Variants in ESCO2 observed in about 807,000 individuals in gnomAD.
ESCO2 encodes N-acetyltransferase ESCO2.
In ESCO2, 51 loss-of-function variants were observed where a neutral mutation model predicts 61.7. That is an observed-to-expected ratio of 0.83 (90% CI 0.66 to 1.04). The LOEUF is 1.04. Ranked by LOEUF, ESCO2 falls within the 50% of genes least tolerant of loss-of-function variation. The pLI, the probability that ESCO2 is intolerant of heterozygous loss-of-function variation, is 0.00. For missense variants in ESCO2, 692 were observed against 686.2 expected (o/e 1.01, Z -0.09); for synonymous variants, 230 against 238.2 (o/e 0.97, Z 0.32).
In ESCO2 at chr8:27,776,835, T is replaced by G. The variant is rs776366766; in HGVS notation, c.527T>G (p.Val176Gly). ...AATCGAGTGATCTATAAGCCAATTG[T>G]GGAGAAGGAAAATAATTGTCATTCA... ...KQNRVIYKPI[V>G]EKENNCHSAE... The change falls in exon 3 of 11, where the codon GTG becomes GGG. Residue 176 changes from valine (V) to glycine (G), a missense_variant. Transcript: ENST00000305188. 1.9e-6 allele frequency: 3 copies of G among 1,614,078 alleles called. No homozygotes were observed. In the South Asian group the frequency reaches 3.3e-5, roughly 18 times the overall value.
intron 9 of ESCO2, among the ~76,000 whole-genome samples, chr8:27,793,593 T>A (rs1432388285): frequency 6.6e-6 from 1 of 151,734 alleles, no homozygotes; most frequent in Non-Finnish European, 1.5e-5. Context: ...TTCAGGCAAT[T>A]CTCCTGCCTC....
At chr8:27,773,181 C>T (rs1176796458), upstream of ESCO2, among the ~76,000 whole-genome samples, 1 of 152,176 alleles carries the variant, frequency 6.6e-6, no homozygotes, top group Non-Finnish European at 1.5e-5. Flanking sequence ...AAGACCCCAT[C>T]ATGTTCTACC....
intron 10 of ESCO2, 149 bp downstream of exon 10, chr8:27,799,865 A>AT (rs1355844589): frequency 2.4e-5 from 22 of 928,232 alleles, no homozygotes; most frequent in Non-Finnish European, 3.6e-5. Flanking sequence ...TGGTACTAGA[A>AT]AAACCATACT....
At position 27,803,306 on chromosome 8, in the gene ESCO2, GA is replaced by G. The variant is rs1805491407; in HGVS notation, c.1676del (p.Asn559IlefsTer14). On this transcript the variant is annotated frameshift_variant and splice_region_variant, in exon 11 of 11. Transcript: ENST00000305188. LOFTEE classifies it high-confidence loss of function. ...IARRLVDTLR[N>X]CFMFGCFLST... Reference sequence around the variant, plus strand: ...TAAATCATCTTTTCTTCTCTTTTAGGAATTGCTTCATGTTTGGCTGTTTTCT... The same window carrying G: ...TAAATCATCTTTTCTTCTCTTTTAGGATTGCTTCATGTTTGGCTGTTTTCT... 6.2e-7 allele frequency: 1 copy of G among 1,613,432 alleles called. No homozygotes were observed.
chr8:27,772,266 A>C (rs1490740121), upstream of ESCO2, among the ~76,000 whole-genome samples: 1 of 152,102 alleles, frequency 6.6e-6, no homozygotes, highest in East Asian at 1.9e-4. Context: ...GGGGACGAGA[A>C]CTCCCCGATA....
chr8:27,811,408 A>G, downstream of ESCO2: 1 of 539,718 alleles, frequency 1.9e-6, no homozygotes, highest in Non-Finnish European at 3.3e-6. Context: ...GAGATTACAG[A>G]CTCTGGAGCC....
Position 27,804,852 on chromosome 8 carries a change from GT to G in ESCO2, c.*1417del. 1.3e-6 allele frequency: 1 copy of G among 768,234 alleles called. No individual in the cohort carries two copies. The highest frequency in any genetic ancestry group is 1.6e-6 in the Non-Finnish European group (1 of 631,772). The allele number at this position is 768,234 out of a possible 1,614,324, so 47.6% of individuals were successfully genotyped here. A position where few individuals can be genotyped will look rare whatever the true frequency, so the allele number is the denominator to read the frequency against. On this transcript the variant is annotated 3_prime_UTR_variant, in exon 11 of 11. Transcript: ENST00000305188. The stretch of plus-strand genomic sequence containing the variant: ...ATTTAAAATTTTTAATTAACATTTT[GT>G]TTGCTTAATGCTTTTGTTATGAATC...
At chr8:27,797,428 C>T (rs930774255) in intron 9 of ESCO2, among the ~76,000 whole-genome samples, 7 of 152,006 alleles carry the variant, frequency 4.6e-5, no homozygotes, top group African/African-American at 7.2e-5. Flanking sequence ...TGCATGGAGT[C>T]GTTTTTCTGA....
chr8:27,788,417 G>A (rs79124402), intron 6 of ESCO2, among the ~76,000 whole-genome samples: 2,521 of 152,224 alleles, frequency 0.017, 38 homozygotes, highest in Non-Finnish European at 0.028. Flanking sequence ...TTAGAACCAT[G>A]AGTCTAGTAA....
chr8:27,783,877 C>G lies in ESCO2; in HGVS notation c.956-123C>G, dbSNP rs1469572546. 4 of 918,202 alleles carry G rather than the reference C, an allele frequency of 4.4e-6. No homozygotes were observed. The African/African-American group carries it at 6.6e-5, about 15-fold the overall frequency. The allele number at this position is 918,202 out of a possible 1,614,324, so 56.9% of individuals were successfully genotyped here. A position where few individuals can be genotyped will look rare whatever the true frequency, so the allele number is the denominator to read the frequency against. On this transcript the variant is annotated intron_variant, in intron 4 of 10. Coordinates refer to ENST00000305188, the MANE Select transcript of ESCO2 (RefSeq NM_001017420.3). ...GACTGTTTTTCCTCCATGGAATTAC[C>G]TTTGCCTCTTTGTTAAATCTTGATC...
In ESCO2 at chr8:27,804,878, C is replaced by A; in HGVS notation, c.*1440C>A. 1.8e-6 allele frequency: 1 copy of A among 545,772 alleles called. No homozygotes were observed. The highest frequency in any genetic ancestry group is 2.3e-6 in the Non-Finnish European group (1 of 428,450). 33.8% of individuals were successfully genotyped at this position (545,772 alleles called of 1,614,324 possible). ...TTTGCTTAATGCTTTTGTTATGAAT[C>A]AATTAAAATTCTTTATTTTATACAA... On this transcript the variant is annotated 3_prime_UTR_variant, in exon 11 of 11. Coordinates refer to ENST00000305188, the MANE Select transcript of ESCO2 (RefSeq NM_001017420.3).
intron 5 of ESCO2, among the ~76,000 whole-genome samples, chr8:27,786,282 G>A (rs1805040138): frequency 6.6e-6 from 1 of 152,196 alleles, no homozygotes; most frequent in Non-Finnish European, 1.5e-5. Flanking sequence ...AGTGAGCAAG[G>A]GCCCTGAGCT....
At chr8:27,772,573 G>A (rs893969164), upstream of ESCO2, 2 of 1,546,046 alleles carry the variant, frequency 1.3e-6, no homozygotes, top group Non-Finnish European at 8.7e-7. Context: ...CTCCACCGCG[G>A]AGCAGCAGCG....
At chr8:27,802,629 AAATATATATATATATATATATATATAT>A (rs1304049725) in intron 10 of ESCO2, among the ~76,000 whole-genome samples, 3 of 59,808 alleles carry the variant, frequency 5.0e-5, no homozygotes, top group African/African-American at 7.4e-5. Context: ...AAAAAAAAAA[AAATATATATATATATATATATATATAT>A]TATATATATA....
chr8:27,777,861 C>T (rs1323711005), intron 3 of ESCO2: 2 of 152,004 alleles, frequency 1.3e-5, no homozygotes, highest in Non-Finnish European at 2.9e-5. Context: ...TTATATGATA[C>T]CCAGTACACT....
downstream of ESCO2, among the ~76,000 whole-genome samples, chr8:27,808,945 T>G (rs1471230271): frequency 6.6e-6 from 1 of 152,174 alleles, no homozygotes; most frequent in Admixed American, 6.5e-5. Flanking sequence ...GCTGGTCTTG[T>G]CCTTGGTATT....
In ESCO2 at chr8:27,803,326, G is replaced by A; in HGVS notation, c.1694G>A (p.Cys565Tyr). The A allele has an allele frequency of 6.2e-7, 1 of 1,613,938 alleles. No individual in the cohort carries two copies. Among genetic ancestry groups the A allele is most frequent in the South Asian group, 1.1e-5 (1 of 91,082 alleles). ...TTTAGGAATTGCTTCATGTTTGGCT[G>A]TTTTCTCAGCACTGATGAAATAGCA... ...DTLRNCFMFG[C>Y]FLSTDEIAFS... The change falls in exon 11 of 11, where the codon TGT (cysteine) becomes TAT (tyrosine). Residue 565 changes from cysteine (C) to tyrosine (Y), a missense_variant. Coordinates refer to ENST00000305188, the MANE Select transcript of ESCO2 (RefSeq NM_001017420.3).
intron 7 of ESCO2, among the ~76,000 whole-genome samples, chr8:27,790,674 T>C (rs564753768): frequency 3.0e-4 from 45 of 152,310 alleles, no homozygotes; most frequent in African/African-American, 1.0e-3. Context: ...TAGCTATAAA[T>C]TTTATATTTA....
downstream of ESCO2, among the ~76,000 whole-genome samples, chr8:27,817,268 G>A (rs1805835726): frequency 6.6e-6 from 1 of 151,854 alleles, no homozygotes; most frequent in Non-Finnish European, 1.5e-5. Context: ...GTAACCTTCA[G>A]CATAAACCCA....
Sources: gnomAD v4.1 joint callset for allele counts (sites outside exome capture counted in the v4.1 genomes callset) on GRCh38, gnomAD v4.1.1 for gene constraint, MANE v1.5 for transcripts, NCBI Gene and HGNC (gene_info 2026-07-23, HGNC 2026-07-21) for gene names.